FAH: variants seen among roughly 807,000 people sequenced by gnomAD.
FAH encodes the protein fumarylacetoacetase.
Under a neutral mutation model 55.8 loss-of-function variants are expected in FAH, and 47 were observed. The observed-to-expected ratio is 0.84, with a 90% confidence interval of 0.67 to 1.07. FAH has a LOEUF of 1.07. Among genes scored for constraint, FAH ranks in the 50% least tolerant of loss-of-function variants. The pLI is 0.00. For missense variants in FAH, 495 were observed against 545.9 expected, an observed-to-expected ratio of 0.91 and a Z score of 0.93; for synonymous variants, 199 against 207.7, an observed-to-expected ratio of 0.96 and a Z score of 0.36.
At chr15:80,175,212 TG>T (rs1381653952) in intron 10 of FAH, 121 bp downstream of exon 10, 1 of 884,054 alleles carries the variant, frequency 1.1e-6, no homozygotes, top group Non-Finnish European at 1.9e-6. Flanking sequence ...CCTGGAGATG[TG>T]TGTGGCTCGT....
In FAH at chr15:80,186,163, T is replaced by A. The variant is rs1595899559; in HGVS notation, c.1214T>A (p.Phe405Tyr). The A allele has an allele frequency of 6.2e-7, 1 of 1,614,066 alleles. No individual in the cohort carries two copies. The highest frequency in any genetic ancestry group is 1.7e-5 in the Admixed American group (1 of 60,004). ...CAGGGGGATGGTTACCGCATCGGCT[T>A]TGGCCAGTGTGCTGGAAAAGTGCTG... Reference protein sequence around the residue: ...YCQGDGYRIGFGQCAGKVLPA... With the variant: ...YCQGDGYRIGYGQCAGKVLPA... Residue 405 changes from phenylalanine (F) to tyrosine (Y), a missense_variant, in exon 14 of 14, where the codon TTT becomes TAT. Transcript: ENST00000561421.
rs780455302 is a variant in FAH at position 80,180,183 on chromosome 15, G to A, written c.1020G>A (p.Leu340=). 1 of 1,610,020 alleles carries A rather than the reference G, an allele frequency of 6.2e-7. No homozygotes were observed. The highest frequency in any genetic ancestry group is 1.1e-5 in the South Asian group (1 of 91,080). ...LTHHSVNGCN[L]RPGDLLASGT... ...ACCACTCTGTCAACGGCTGCAACCT[G>A]CGGCCGGGGGACCTCCTGGCTTCTG... The change falls in exon 12 of 14, where the codon CTG becomes CTA. Residue 340 remains leucine (L), a synonymous_variant. Transcript: ENST00000561421.
chr15:80,175,216 T>C (rs2041272871), intron 10 of FAH, 125 bp downstream of exon 10: 1 of 860,744 alleles, frequency 1.2e-6, no homozygotes, highest in Admixed American at 1.9e-5. Context: ...GAGATGTGTG[T>C]GGCTCGTCTA....
downstream of FAH, chr15:80,186,883 G>A (rs755092849): frequency 6.3e-6 from 1 of 157,600 alleles, no homozygotes; most frequent in Non-Finnish European, 1.4e-5. Context: ...ATGTAGAATA[G>A]CATTTGAGCA....
rs1184198151 is a variant in FAH, at chr15:80,173,435, G to A, written c.837+291G>A. ...CGGGGGATCTGGCCAGTTGGCAGGA[G>A]GAGTCCCTGCAGGTACCAACATTGC... On this transcript the variant is annotated intron_variant, in intron 9 of 13. Coordinates refer to ENST00000561421, the MANE Select transcript of FAH (RefSeq NM_000137.4). The A allele has an allele frequency of 9.7e-6, 5 of 515,266 alleles. No individual in the cohort carries two copies. The East Asian group carries it at 1.8e-4, about 19-fold the overall frequency. The allele number at this position is 515,266 out of a possible 1,614,324, so 31.9% of individuals were successfully genotyped here. A position where few individuals can be genotyped will look rare whatever the true frequency, so the allele number is the denominator to read the frequency against.
intron 1 of FAH, chr15:80,155,918 A>G: frequency 2.1e-6 from 1 of 478,434 alleles, no homozygotes; most frequent in Non-Finnish European, 4.1e-6. Context: ...GCTATCTACT[A>G]CAAACTTCAA....
At chr15:80,179,945 TC>T (rs1304672975) in intron 11 of FAH, among the ~76,000 whole-genome samples, 178 bp from the exon 12 acceptor site, 7 of 151,848 alleles carry the variant, frequency 4.6e-5, no homozygotes, top group Non-Finnish European at 1.0e-4. Flanking sequence ...TCTGGGCAGC[TC>T]CCCAGGAGGA....
chr15:80,174,371 T>G (rs2142102744), intron 9 of FAH, among the ~76,000 whole-genome samples: 1 of 152,316 alleles, frequency 6.6e-6, no homozygotes, highest in African/African-American at 2.4e-5. Flanking sequence ...TACTTAATGT[T>G]TTCCTTCAGA....
At chr15:80,156,354 A>G (rs2041100511) in intron 1 of FAH, 3 of 153,832 alleles carry the variant, frequency 2.0e-5, no homozygotes, top group African/African-American at 7.2e-5. Flanking sequence ...CTAATAATCG[A>G]TAATTGTCCA....
At chr15:80,163,210 G>A (rs564758776) in intron 5 of FAH, 9 of 152,686 alleles carry the variant, frequency 5.9e-5, no homozygotes, top group African/African-American at 1.9e-4. Flanking sequence ...GTTGCAGAAT[G>A]AGGCAGGGGT....
intron 1 of FAH, chr15:80,155,815 A>G: frequency 2.2e-6 from 1 of 448,758 alleles, no homozygotes; most frequent in Non-Finnish European, 4.5e-6. Context: ...AAGGTAGCCG[A>G]AGCAGAGAGG....
chr15:80,168,955 A>AACAGGCTAT (rs2142098649), intron 7 of FAH, among the ~76,000 whole-genome samples: 1 of 152,354 alleles, frequency 6.6e-6, no homozygotes, highest in South Asian at 2.1e-4. Flanking sequence ...ACACACATAA[A>AACAGGCTAT]ACAGGCTATA....
At chr15:80,170,693 C>T (rs1478619913) in intron 7 of FAH, among the ~76,000 whole-genome samples, 1 of 152,222 alleles carries the variant, frequency 6.6e-6, no homozygotes, top group Admixed American at 6.5e-5. Flanking sequence ...AGAGAAAAGA[C>T]AGAGAGTCAG....
At chr15:80,160,521 C>T (rs1046498608) in intron 4 of FAH, 62 bp downstream of exon 4, 6 of 1,538,682 alleles carry the variant, frequency 3.9e-6, no homozygotes, top group Non-Finnish European at 5.4e-6. Flanking sequence ...GAGGGCTGGC[C>T]AGGTGCTTTG....
intron 7 of FAH, 111 bp downstream of exon 7, chr15:80,168,427 C>T (rs1302491799): frequency 1.9e-6 from 2 of 1,034,538 alleles, no homozygotes; most frequent in East Asian, 2.4e-5. Context: ...TCTTCAGCCA[C>T]ATCGGCAGCC....
At chr15:80,153,233 C>T (rs74249373) in intron 1 of FAH, 98 bp downstream of exon 1, 15 of 919,630 alleles carry the variant, frequency 1.6e-5, no homozygotes, top group Non-Finnish European at 5.1e-6. Flanking sequence ...GAATGAGGGG[C>T]GGGATGGAGG....
chr15:80,184,511 G>A (rs1280120781), intron 13 of FAH, among the ~76,000 whole-genome samples: 2 of 152,066 alleles, frequency 1.3e-5, no homozygotes, highest in Non-Finnish European at 1.5e-5. Flanking sequence ...CTGCAGTTCC[G>A]AGTTAGTTGT....
intron 13 of FAH, among the ~76,000 whole-genome samples, chr15:80,185,552 T>G (rs961793142): frequency 6.6e-6 from 1 of 152,188 alleles, no homozygotes; most frequent in African/African-American, 2.4e-5. Context: ...TGAGACTGGG[T>G]AATTCATAAA....
At position 80,172,216 on chromosome 15, in the gene FAH, T is replaced by G. The variant is rs1315649527; in HGVS notation, c.674T>G (p.Ile225Ser). 1.2e-6 allele frequency: 2 copies of G among 1,613,676 alleles called. No individual in the cohort carries two copies. Among genetic ancestry groups the G allele is most frequent in the Non-Finnish European group, 1.7e-6 (2 of 1,179,752 alleles). Residue 225 changes from isoleucine to serine, a missense_variant, in exon 8 of 14, where the codon ATT becomes AGT. By Grantham distance (142) the Ile-to-Ser change is moderately radical (BLOSUM62 -2). Coordinates refer to ENST00000561421, the MANE Select transcript of FAH (RefSeq NM_000137.4). ...CCCATTTCCAAGGCCCATGAGCACATTTTTGGAATGGTCCTTATGAACGAC... is the reference window on the plus strand; with the variant it reads ...CCCATTTCCAAGGCCCATGAGCACAGTTTTGGAATGGTCCTTATGAACGAC... ...PIPISKAHEH[I>S]FGMVLMNDWS...
Sources: allele counts gnomAD v4.1 joint callset (sites outside exome capture counted in the v4.1 genomes callset), GRCh38; gene constraint gnomAD v4.1.1; transcripts MANE v1.5; gene names NCBI Gene and HGNC (gene_info 2026-07-23, HGNC 2026-07-21).